TMTC3: variants seen among roughly 807,000 people sequenced by gnomAD.
The protein encoded by TMTC3 is transmembrane O-mannosyltransferase targeting cadherins 3, also known as protein O-mannosyl-transferase TMTC3.
Under a neutral mutation model 92.2 loss-of-function variants are expected in TMTC3, and 52 were observed. The ratio of observed to expected loss-of-function variants is 0.56; its 90% CI spans 0.45 to 0.71. TMTC3 has a LOEUF of 0.71. Ranked by LOEUF, TMTC3 falls within the 30% of genes least tolerant of loss-of-function variation. TMTC3 has a pLI of 0.00. For synonymous variants in TMTC3, 339 were observed against 363.3 expected, an observed-to-expected ratio of 0.93 and a Z score of 0.76; for missense variants, 896 against 1,057.1, an observed-to-expected ratio of 0.85 and a Z score of 2.11.
In TMTC3 at chr12:88,198,892, ATC is replaced by A. The variant is rs1460062497; in HGVS notation, c.*3245_*3246del. The A allele has an allele frequency of 6.6e-6, 1 of 152,364 alleles. No individual in the cohort carries two copies. The highest frequency in any genetic ancestry group is 1.5e-5 in the Non-Finnish European group (1 of 68,144). 9.4% of individuals were successfully genotyped at this position (152,364 alleles called of 1,614,324 possible). Reference sequence around the variant, plus strand: ...ATCTTGTACCTTTGTCCAAAAGTTTATCTGTTGGAAGCCGCCAGCCATTCATG... The same window carrying A: ...ATCTTGTACCTTTGTCCAAAAGTTTATGTTGGAAGCCGCCAGCCATTCATG... On this transcript the variant is annotated 3_prime_UTR_variant, in exon 14 of 14. Transcript: ENST00000266712.
In TMTC3 at chr12:88,162,833, T is replaced by G. The variant is rs531493315; in HGVS notation, c.797+1982T>G. Among the ~76,000 whole-genome samples, 6 of 152,300 alleles carry G rather than the reference T, an allele frequency of 3.9e-5. No homozygotes were observed. In the South Asian group the frequency reaches 6.2e-4, roughly 16 times the overall value. On this transcript the variant is annotated intron_variant, in intron 6 of 13. Transcript: ENST00000266712. ...CATTTGTGAATTTTACCTTAATGTA[T>G]TCTATAAATTTTGAGTTTTATTCTG...
chr12:88,166,595 T>G lies in TMTC3; in HGVS notation c.1050+13T>G. 1 of 1,602,810 alleles carries G rather than the reference T, an allele frequency of 6.2e-7. No individual in the cohort carries two copies. The highest frequency in any genetic ancestry group is 8.5e-7 in the Non-Finnish European group (1 of 1,175,908). On this transcript the variant is annotated intron_variant, in intron 7 of 13. Coordinates refer to ENST00000266712, the MANE Select transcript of TMTC3 (RefSeq NM_181783.4). ...GACTGTTTTAATGGTAAGAAACTTT[T>G]CTTAACTTCCAAATGATGTTAACAT...
Position 88,153,309 on chromosome 12 carries a change from T to C in TMTC3, c.208T>C (p.Tyr70His). ...PMSEERSHKS[Y>H]RPLTVLTFRL... ...CTTGTAGGAGAGAAGCCACAAGTCT[T>C]ACCGTCCCTTAACAGTATTGACATT... is the stretch of plus-strand genomic sequence containing the variant. Residue 70 changes from tyrosine (Y) to histidine (H), a missense_variant, in exon 3 of 14, where the codon TAC (tyrosine) becomes CAC (histidine). By Grantham distance (83) the Tyr-to-His change is moderately conservative (BLOSUM62 2). Coordinates refer to ENST00000266712, the MANE Select transcript of TMTC3 (RefSeq NM_181783.4). The C allele has an allele frequency of 6.2e-7, 1 of 1,611,652 alleles. No individual in the cohort carries two copies. The highest frequency in any genetic ancestry group is 8.5e-7 in the Non-Finnish European group (1 of 1,179,088).
intron 2 of TMTC3, among the ~76,000 whole-genome samples, chr12:88,149,143 T>G (rs997061395): frequency 2.0e-5 from 3 of 152,176 alleles, no homozygotes; most frequent in Non-Finnish European, 4.4e-5. Flanking sequence ...TGAATCTTTG[T>G]CCTATCTCTT....
rs2041506974 is a variant in TMTC3 at position 88,195,895 on chromosome 12, A to G, written c.*246A>G. On this transcript the variant is annotated 3_prime_UTR_variant, in exon 14 of 14. Transcript: ENST00000266712. ...TTACAGCGGAAGTGACAAATTTACAACTTTTATTATAGAAAGAAGGTGTTT... is the reference window on the plus strand; with the variant it reads ...TTACAGCGGAAGTGACAAATTTACAGCTTTTATTATAGAAAGAAGGTGTTT... 3.4e-6 allele frequency: 1 copy of G among 296,854 alleles called. No individual in the cohort carries two copies. 18.4% of individuals were successfully genotyped at this position (296,854 alleles called of 1,614,324 possible).
intron 4 of TMTC3, among the ~76,000 whole-genome samples, chr12:88,157,822 G>A (rs2468235): frequency 0.88 from 134,073 of 152,158 alleles, 59,968 homozygotes; most frequent in East Asian, 0.99. Context: ...TGATCTGATT[G>A]TAAAATCAAA....
At chr12:88,173,072 A>G (rs1261258234) in intron 8 of TMTC3, 1 of 1,299,122 alleles carries the variant, frequency 7.7e-7, no homozygotes, top group African/African-American at 1.5e-5. Context: ...GAACTAAGAT[A>G]ATAGTCATCC....
At position 88,144,313 on chromosome 12, in the gene TMTC3, A is replaced by G. The variant is rs146754572; in HGVS notation, c.-29+1826A>G. On this transcript the variant is annotated intron_variant, in intron 1 of 13. Transcript: ENST00000266712. ...CTGACAATGGTAGGAATGAAATTTA[A>G]TAGTTACTGAGCACATGTTATGTCA... Among the ~76,000 whole-genome samples the G allele has an allele frequency of 3.0e-4, 46 of 152,260 alleles. 1 individual carries two copies. The East Asian group carries it at 7.9e-3, about 26-fold the overall frequency.
intron 1 of TMTC3, among the ~76,000 whole-genome samples, chr12:88,146,084 T>C (rs1476373825): frequency 6.6e-6 from 1 of 152,134 alleles, no homozygotes; most frequent in African/African-American, 2.4e-5. Flanking sequence ...TTTGCAATAA[T>C]GGCCCCCAGT....
intron 12 of TMTC3, among the ~76,000 whole-genome samples, chr12:88,191,556 T>C (rs1223261004): frequency 6.6e-6 from 1 of 152,210 alleles, no homozygotes. Context: ...AAATTACTTT[T>C]TAAAATTTTC....
rs118067265 is a variant in TMTC3, at chr12:88,198,339, A to G, written c.*2690A>G. ...AAAAGAGAGCTTATCACAGGTTTGT[A>G]TGCTGGTGAATGGATAGTTTTAATT... On this transcript the variant is annotated 3_prime_UTR_variant, in exon 14 of 14. Coordinates refer to ENST00000266712, the MANE Select transcript of TMTC3 (RefSeq NM_181783.4). 6 of 398,080 alleles carry G rather than the reference A, an allele frequency of 1.5e-5. No individual in the cohort carries two copies. Among genetic ancestry groups the G allele is most frequent in the Admixed American group, 4.4e-5 (1 of 22,694 alleles). 24.7% of individuals were successfully genotyped at this position (398,080 alleles called of 1,614,324 possible). A position where few individuals can be genotyped will look rare whatever the true frequency, so the allele number is the denominator to read the frequency against.
intron 6 of TMTC3, among the ~76,000 whole-genome samples, chr12:88,161,765 G>C (rs2041082320): frequency 6.6e-6 from 1 of 150,988 alleles, no homozygotes; most frequent in African/African-American, 2.4e-5. Flanking sequence ...GCTTATCACA[G>C]TTTACCTTCA....
rs762011993 is a variant in TMTC3, at chr12:88,160,653, C to T, written c.625-26C>T. 4 of 1,604,134 alleles carry T rather than the reference C, an allele frequency of 2.5e-6. No homozygotes were observed. In the Admixed American group the frequency reaches 5.1e-5, roughly 20 times the overall value. ...CATTGAGATATGTCGTTATTTGTTG[C>T]TTAAAACATTTCTTTTCTTTTTCAG... On this transcript the variant is annotated intron_variant, in intron 5 of 13. Coordinates refer to ENST00000266712, the MANE Select transcript of TMTC3 (RefSeq NM_181783.4).
At chr12:88,179,920 C>G (rs753549929) in intron 10 of TMTC3, among the ~76,000 whole-genome samples, 3 of 152,112 alleles carry the variant, frequency 2.0e-5, no homozygotes, top group Non-Finnish European at 2.9e-5. Context: ...TGTTATCTAC[C>G]CTTTGCTCTC....
At chr12:88,142,565 G>A (rs1362408893) in intron 1 of TMTC3, 78 bp downstream of exon 1, 1 of 152,400 alleles carries the variant, frequency 6.6e-6, no homozygotes, top group Non-Finnish European at 1.5e-5. Context: ...TCTGCTATTG[G>A]GGCCGTAGGG....
chr12:88,163,881 C>T (rs114278057), intron 6 of TMTC3, among the ~76,000 whole-genome samples: 8 of 152,138 alleles, frequency 5.3e-5, no homozygotes, highest in African/African-American at 1.7e-4. Context: ...GGTATTTCCT[C>T]ACATATATGT....
chr12:88,148,646 A>T, intron 2 of TMTC3, 142 bp downstream of exon 2: 1 of 621,914 alleles, frequency 1.6e-6, no homozygotes, highest in South Asian at 2.8e-5. Context: ...GAAACGTAAC[A>T]TGTTTGTAAT....
Position 88,198,646 on chromosome 12 carries a change from A to G in TMTC3, c.*2997A>G. 2.7e-6 allele frequency: 1 copy of G among 374,694 alleles called. No individual in the cohort carries two copies. Among genetic ancestry groups the G allele is most frequent in the Non-Finnish European group, 4.7e-6 (1 of 211,308 alleles). The allele number at this position is 374,694 out of a possible 1,614,324, so 23.2% of individuals were successfully genotyped here. A position where few individuals can be genotyped will look rare whatever the true frequency, so the allele number is the denominator to read the frequency against. ...TGTAAAAATTTGATATGTGAATTAC[A>G]CAGTTCTAATAAAACCTCATGCCTT... On this transcript the variant is annotated 3_prime_UTR_variant, in exon 14 of 14. Transcript: ENST00000266712.
Position 88,160,782 on chromosome 12 carries a change from T to C in TMTC3, c.728T>C (p.Met243Thr). The change falls in exon 6 of 14, where the codon ATG (methionine) becomes ACG (threonine). Residue 243 changes from methionine (M) to threonine (T), a missense_variant. Physicochemically the swap from Met to Thr is moderately conservative, Grantham distance 81 (BLOSUM62 -1). Coordinates refer to ENST00000266712, the MANE Select transcript of TMTC3 (RefSeq NM_181783.4). ...ACACTAGTAAAACTCATTGTCTTGA[T>C]GTTCAGTACATTATTACTTGTTGTG... ...LQTLVKLIVL[M>T]FSTLLLVVIR... 6.2e-7 allele frequency: 1 copy of C among 1,613,688 alleles called. No individual in the cohort carries two copies. The highest frequency in any genetic ancestry group is 8.5e-7 in the Non-Finnish European group (1 of 1,179,720).
Sources: allele counts gnomAD v4.1 joint callset (sites outside exome capture counted in the v4.1 genomes callset), GRCh38; gene constraint gnomAD v4.1.1; transcripts MANE v1.5; gene names NCBI Gene and HGNC (gene_info 2026-07-23, HGNC 2026-07-21).